FBXL7: variants seen among roughly 807,000 people sequenced by gnomAD.
FBXL7 encodes the protein F-box and leucine rich repeat protein 7.
A neutral mutation model predicts 38.3 loss-of-function variants in FBXL7; 12 were observed. The ratio of observed to expected loss-of-function variants is 0.31; its 90% CI spans 0.20 to 0.51. The LOEUF is 0.51. Among genes scored for constraint, FBXL7 ranks in the 20% least tolerant of loss-of-function variants. The probability of loss-of-function intolerance (pLI) is 0.98; values close to 1 mark genes in which losing one functional copy is unlikely to be tolerated. For missense variants in FBXL7, 567 were observed against 676.4 expected (o/e 0.84, Z 1.79); for synonymous variants, 297 against 300.9 (o/e 0.99, Z 0.13).
In FBXL7 at chr5:15,736,922, A is replaced by G. The variant is rs186559591; in HGVS notation, c.127+120850A>G. On this transcript the variant is annotated intron_variant, in intron 2 of 3. Coordinates refer to ENST00000504595, the MANE Select transcript of FBXL7 (RefSeq NM_012304.5). The stretch of plus-strand genomic sequence containing the variant: ...AATTATCATAATATCTGACGCTTCT[A>G]TAACCCTCACTGTATTCCAGAAACC... 9.2e-5 allele frequency among the ~76,000 whole-genome samples: 14 copies of G among 152,314 alleles called. No homozygotes were observed. In the East Asian group the frequency reaches 1.2e-3, roughly 13 times the overall value.
intron 2 of FBXL7, among the ~76,000 whole-genome samples, chr5:15,722,998 G>A (rs368346419): frequency 1.3e-5 from 2 of 151,528 alleles, no homozygotes; most frequent in South Asian, 4.2e-4. Flanking sequence ...CAAGGGAATG[G>A]ATAATTCATG....
intron 2 of FBXL7, among the ~76,000 whole-genome samples, chr5:15,734,226 G>A (rs910129122): frequency 9.9e-5 from 15 of 152,254 alleles, no homozygotes; most frequent in East Asian, 7.7e-4. Flanking sequence ...TGCTGCACAG[G>A]CCTCTTCCTC....
rs1456750760 is a variant in FBXL7 at position 15,500,704 on chromosome 5, G to C, written c.28G>C (p.Gly10Arg). 2.5e-6 allele frequency: 4 copies of C among 1,608,828 alleles called. No homozygotes were observed. The highest frequency in any genetic ancestry group is 3.4e-6 in the Non-Finnish European group (4 of 1,177,334). Residue 10 changes from glycine to arginine, a missense_variant, in exon 1 of 4, where the codon GGC (glycine) becomes CGC (arginine). Gly to Arg is a moderately radical substitution (Grantham distance 125). Coordinates refer to ENST00000504595, the MANE Select transcript of FBXL7 (RefSeq NM_012304.5). MGANNGKQY[G>R]SEGKGSSSIS... ...GGGCGCGAACAATGGCAAACAGTACGGCAGTGAGGGTGAGTGGGCCGCCCG... is the reference window on the plus strand; with the variant it reads ...GGGCGCGAACAATGGCAAACAGTACCGCAGTGAGGGTGAGTGGGCCGCCCG...
intron 2 of FBXL7, among the ~76,000 whole-genome samples, chr5:15,877,371 A>G (rs1309260424): frequency 6.6e-6 from 1 of 152,232 alleles, no homozygotes; most frequent in Non-Finnish European, 1.5e-5. Flanking sequence ...TTCAAAGAAA[A>G]GTTAGACTAA....
chr5:15,615,984 C>T lies in FBXL7; in HGVS notation c.39C>T (p.Gly13=). The change falls in exon 2 of 4, where the codon GGC becomes GGT. Residue 13 remains glycine (G), a splice_region_variant and synonymous_variant. Transcript: ENST00000504595. ...ANNGKQYGSE[G]KGSSSISSDV... is the part of the protein sequence containing the mutation. ...GCTGCTCATTCCTGTTTCTTCCAGG[C>T]AAAGGCAGCTCGAGCATCTCATCTG... 1 of 1,610,488 alleles carries T rather than the reference C, an allele frequency of 6.2e-7. No homozygotes were observed. The highest frequency in any genetic ancestry group is 1.3e-5 in the African/African-American group (1 of 74,892).
intron 2 of FBXL7, among the ~76,000 whole-genome samples, chr5:15,912,182 G>A (rs1236552256): frequency 3.2e-5 from 2 of 62,596 alleles, no homozygotes; most frequent in East Asian, 3.4e-4. Context: ...GCGAGATTCC[G>A]TGGGCGTAGG....
At chr5:15,568,357 T>A (rs1162017160) in intron 1 of FBXL7, among the ~76,000 whole-genome samples, 1 of 152,242 alleles carries the variant, frequency 6.6e-6, no homozygotes, top group Non-Finnish European at 1.5e-5. Flanking sequence ...ATGATGAGCA[T>A]TTTTTCATGT....
At chr5:15,655,035 C>A (rs949587924) in intron 2 of FBXL7, among the ~76,000 whole-genome samples, 2 of 152,154 alleles carry the variant, frequency 1.3e-5, no homozygotes, top group East Asian at 1.9e-4. Flanking sequence ...TGTACAGAGT[C>A]CTAACTTCAG....
chr5:15,836,200 A>G (rs1253542044), intron 2 of FBXL7, among the ~76,000 whole-genome samples: 1 of 152,150 alleles, frequency 6.6e-6, no homozygotes, highest in African/African-American at 2.4e-5. Flanking sequence ...ACTCTTATTC[A>G]TCTGTCAAAT....
At chr5:15,842,626 C>A (rs1180788184) in intron 2 of FBXL7, among the ~76,000 whole-genome samples, 2 of 152,088 alleles carry the variant, frequency 1.3e-5, no homozygotes, top group African/African-American at 4.8e-5. Context: ...TGTAATAATG[C>A]CCTCATGTTA....
At chr5:15,645,156 T>A (rs1011604855) in intron 2 of FBXL7, among the ~76,000 whole-genome samples, 1 of 152,204 alleles carries the variant, frequency 6.6e-6, no homozygotes, top group African/African-American at 2.4e-5. Flanking sequence ...ACATGTATAT[T>A]CATAATTACA....
At chr5:15,793,405 C>G (rs550837411) in intron 2 of FBXL7, among the ~76,000 whole-genome samples, 2 of 152,290 alleles carry the variant, frequency 1.3e-5, no homozygotes, top group African/African-American at 4.8e-5. Context: ...TGCCTTGTCT[C>G]ACACACTTTC....
intron 2 of FBXL7, among the ~76,000 whole-genome samples, chr5:15,904,174 A>G (rs1366184736): frequency 6.6e-6 from 1 of 152,184 alleles, no homozygotes; most frequent in African/African-American, 2.4e-5. Context: ...ACTCTAATTT[A>G]AAGATGTCGT....
chr5:15,692,678 G>A (rs2126624041), intron 2 of FBXL7, among the ~76,000 whole-genome samples: 1 of 152,308 alleles, frequency 6.6e-6, no homozygotes, highest in Non-Finnish European at 1.5e-5. Context: ...GTGTTCCAAA[G>A]ATCGTGCAAA....
At chr5:15,858,317 G>A (rs1739332983) in intron 2 of FBXL7, among the ~76,000 whole-genome samples, 1 of 151,624 alleles carries the variant, frequency 6.6e-6, no homozygotes, top group Non-Finnish European at 1.5e-5. Flanking sequence ...AACCATAAAT[G>A]ACACATCAGC....
Position 15,500,701 on chromosome 5 carries a change from T to G in FBXL7, c.25T>G (p.Tyr9Asp). The G allele has an allele frequency of 6.2e-7, 1 of 1,609,372 alleles. No homozygotes were observed. Among genetic ancestry groups the G allele is most frequent in the Non-Finnish European group, 8.5e-7 (1 of 1,177,592 alleles). The change falls in exon 1 of 4, where the codon TAC becomes GAC. Residue 9 changes from tyrosine (Y) to aspartate (D), a missense_variant. By Grantham distance (160) the Tyr-to-Asp change is radical. Transcript: ENST00000504595. ...GATGGGCGCGAACAATGGCAAACAG[T>G]ACGGCAGTGAGGGTGAGTGGGCCGC... is the stretch of plus-strand genomic sequence containing the variant. MGANNGKQ[Y>D]GSEGKGSSSI...
At chr5:15,781,838 A>T (rs991940158) in intron 2 of FBXL7, among the ~76,000 whole-genome samples, 2 of 152,110 alleles carry the variant, frequency 1.3e-5, no homozygotes, top group Non-Finnish European at 2.9e-5. Context: ...CAACTTTTTT[A>T]AAAAATATAT....
At chr5:15,752,181 A>G (rs1211164950) in intron 2 of FBXL7, among the ~76,000 whole-genome samples, 1 of 152,078 alleles carries the variant, frequency 6.6e-6, no homozygotes, top group Non-Finnish European at 1.5e-5. Context: ...AGGAGGGATA[A>G]CATTAGGAGA....
chr5:15,806,380 CA>C (rs1737712376), intron 2 of FBXL7, among the ~76,000 whole-genome samples: 1 of 151,038 alleles, frequency 6.6e-6, no homozygotes, highest in Non-Finnish European at 1.5e-5. Context: ...TTAACTTTGA[CA>C]AGTGTAAAAA....
Sources: gnomAD v4.1 joint callset for allele counts (sites outside exome capture counted in the v4.1 genomes callset) on GRCh38, gnomAD v4.1.1 for gene constraint, MANE v1.5 for transcripts, NCBI Gene and HGNC (gene_info 2026-07-23, HGNC 2026-07-21) for gene names.